Variants in LIMCH1 observed in about 807,000 individuals in gnomAD.
LIMCH1 encodes the protein LIM and calponin homology domains-containing protein 1.
LIMCH1 carries 113 observed loss-of-function variants against 176.5 expected under a neutral mutation model. That is an observed-to-expected ratio of 0.64 (90% CI 0.55 to 0.75). The LOEUF (loss-of-function observed/expected upper bound fraction) is 0.75, where lower values mean the gene tolerates loss of function less well. LIMCH1 is among the 30% of genes least tolerant of loss of function. LIMCH1 has a pLI of 0.00. For synonymous variants in LIMCH1, 619 were observed against 645.9 expected, an observed-to-expected ratio of 0.96 and a Z score of 0.63; for missense variants, 1,674 against 1,814.9, an observed-to-expected ratio of 0.92 and a Z score of 1.41.
intron 1 of LIMCH1, among the ~76,000 whole-genome samples, chr4:41,411,036 C>G (rs998630399): frequency 1.3e-5 from 2 of 152,218 alleles, no homozygotes; most frequent in African/African-American, 4.8e-5. Flanking sequence ...ACGTTAGACT[C>G]CATTGAAGAC....
At chr4:41,481,385 T>C (rs1256778856) in intron 1 of LIMCH1, among the ~76,000 whole-genome samples, 1 of 152,224 alleles carries the variant, frequency 6.6e-6, no homozygotes, top group African/African-American at 2.4e-5. Context: ...GACTCATCCT[T>C]GCTGCTAGCT....
chr4:41,441,399 T>A (rs2062687233), intron 1 of LIMCH1, among the ~76,000 whole-genome samples: 1 of 152,198 alleles, frequency 6.6e-6, no homozygotes, highest in Non-Finnish European at 1.5e-5. Context: ...TGAGTTTCTG[T>A]AAAGAAAGGC....
At chr4:41,538,082 A>G (rs536021292), upstream of LIMCH1, 8 of 771,298 alleles carry the variant, frequency 1.0e-5, no homozygotes, top group East Asian at 1.0e-3. Context: ...TTTTCCTCAG[A>G]GGGAATGGGC....
At chr4:41,498,548 A>C (rs1317241554) in intron 2 of LIMCH1, among the ~76,000 whole-genome samples, 1 of 152,192 alleles carries the variant, frequency 6.6e-6, no homozygotes, top group South Asian at 2.1e-4. Flanking sequence ...CCCTCTTCTG[A>C]GTATTTAATA....
intron 1 of LIMCH1, among the ~76,000 whole-genome samples, chr4:41,540,613 C>T (rs961938977): frequency 4.7e-4 from 71 of 152,054 alleles, no homozygotes; most frequent in African/African-American, 1.7e-3. Context: ...GTGATGGGCA[C>T]CTGTAATCCC....
chr4:41,460,529 T>A (rs931206992), intron 1 of LIMCH1, among the ~76,000 whole-genome samples: 11 of 148,776 alleles, frequency 7.4e-5, no homozygotes, highest in African/African-American at 2.5e-4. Context: ...AGATTTTTTT[T>A]AAGTTGTTTG....
Position 41,644,634 on chromosome 4 carries a change from G to C in LIMCH1, c.2253+8G>C, listed in dbSNP as rs2304647. 721,317 of 1,603,214 alleles carry C rather than the reference G, an allele frequency of 0.45. 169,400 individuals are homozygous for C. Among genetic ancestry groups the C allele is most frequent in the African/African-American group, 0.76 (56,667 of 74,574 alleles). Reference sequence around the variant, plus strand: ...GACGACAAATGGCAAGATGTGAGTTGTGGCCAAGGCGCGCGGGCAGCGGGG... The same window carrying C: ...GACGACAAATGGCAAGATGTGAGTTCTGGCCAAGGCGCGCGGGCAGCGGGG... On this transcript the variant is annotated splice_region_variant and intron_variant, in intron 15 of 31. Transcript: ENST00000503057.
At chr4:41,649,218 G>A (rs1426400924) in intron 17 of LIMCH1, among the ~76,000 whole-genome samples, 4 of 152,106 alleles carry the variant, frequency 2.6e-5, no homozygotes, top group Non-Finnish European at 4.4e-5. Flanking sequence ...TGGACAACAT[G>A]ATGAAACCCT....
intron 1 of LIMCH1, among the ~76,000 whole-genome samples, chr4:41,471,319 A>C (rs1023300042): frequency 1.3e-5 from 2 of 152,204 alleles, no homozygotes; most frequent in Non-Finnish European, 1.5e-5. Context: ...TTTGCTTTAG[A>C]AGCTGACTCA....
At chr4:41,429,931 T>C (rs1318735362) in intron 1 of LIMCH1, among the ~76,000 whole-genome samples, 1 of 152,294 alleles carries the variant, frequency 6.6e-6, no homozygotes, top group East Asian at 1.9e-4. Context: ...AGAAGTAATA[T>C]TACTTCTGCT....
At chr4:41,644,381 C>A (rs971099951) in intron 14 of LIMCH1, 119 bp from the exon 15 acceptor site, 2 of 1,298,458 alleles carry the variant, frequency 1.5e-6, no homozygotes, top group African/African-American at 3.1e-5. Context: ...GTGCGCAGCC[C>A]GGGAAGGGGG....
chr4:41,580,061 G>T (rs888272849), intron 1 of LIMCH1, among the ~76,000 whole-genome samples: 1 of 152,160 alleles, frequency 6.6e-6, no homozygotes, highest in Non-Finnish European at 1.5e-5. Context: ...GACACACAGG[G>T]TAACTGAGTT....
chr4:41,692,104 C>A (rs1726484129), intron 30 of LIMCH1, among the ~76,000 whole-genome samples, 178 bp from the exon 31 acceptor site: 1 of 152,208 alleles, frequency 6.6e-6, no homozygotes. Context: ...AAATTGCTAA[C>A]TGTATATTTG....
At chr4:41,458,429 A>G (rs1317206239) in intron 1 of LIMCH1, among the ~76,000 whole-genome samples, 1 of 152,126 alleles carries the variant, frequency 6.6e-6, no homozygotes, top group East Asian at 1.9e-4. Flanking sequence ...CACATAGTTC[A>G]GTTTGGGTTT....
At chr4:41,676,172 G>A (rs78058502) in intron 22 of LIMCH1, among the ~76,000 whole-genome samples, 414 of 152,334 alleles carry the variant, frequency 2.7e-3, no homozygotes, top group Non-Finnish European at 4.5e-3. Flanking sequence ...AAGATTCACA[G>A]AATCATACCA....
chr4:41,479,510 T>C (rs975792680), intron 1 of LIMCH1, among the ~76,000 whole-genome samples: 4 of 152,162 alleles, frequency 2.6e-5, no homozygotes, highest in Middle Eastern at 3.2e-3. Flanking sequence ...CTTCAGCCTT[T>C]CAAAATGCTG....
At chr4:41,645,703 C>T (rs2094026395) in intron 15 of LIMCH1, among the ~76,000 whole-genome samples, 1 of 152,090 alleles carries the variant, frequency 6.6e-6, no homozygotes, top group Non-Finnish European at 1.5e-5. Flanking sequence ...TTTTTTCTGC[C>T]TTGACTGCCT....
intron 1 of LIMCH1, among the ~76,000 whole-genome samples, chr4:41,398,970 G>T (rs933169535): frequency 6.6e-6 from 1 of 152,168 alleles, no homozygotes; most frequent in African/African-American, 2.4e-5. Context: ...TTGTGTTGTG[G>T]TGTCCAGAAA....
rs888963811 is a variant in LIMCH1, at chr4:41,662,910, G to A, written c.3217G>A (p.Val1073Met). 5.6e-6 allele frequency: 9 copies of A among 1,614,032 alleles called. No homozygotes were observed. The highest frequency in any genetic ancestry group is 1.3e-5 in the African/African-American group (1 of 75,004). The change falls in exon 20 of 32, where the codon GTG becomes ATG. Residue 1073 changes from valine to methionine, a missense_variant. By Grantham distance (21) the Val-to-Met change is conservative (BLOSUM62 1). Coordinates refer to ENST00000503057, the MANE Select transcript of LIMCH1 (RefSeq NM_001330672.2). The part of the protein sequence containing the change: ...FPSSPQLKND[V>M]SEEKDQKKPE... ...CTCCAGCCCCCAGCTGAAGAATGAT[G>A]TGTCGGAAGAAAAAGACCAGAAGAA... is the stretch of plus-strand genomic sequence containing the variant.
Sources: allele counts gnomAD v4.1 joint callset (sites outside exome capture counted in the v4.1 genomes callset), GRCh38; gene constraint gnomAD v4.1.1; transcripts MANE v1.5; gene names NCBI Gene and HGNC (gene_info 2026-07-23, HGNC 2026-07-21).